The following EIF3L variants were observed in gnomAD, a reference collection of about 807,000 sequenced individuals.
EIF3L encodes the protein eIEF associated protein HSPC021.
EIF3L carries 32 observed loss-of-function variants against 74.6 expected under a neutral mutation model. The observed-to-expected ratio is 0.43, with a 90% confidence interval of 0.32 to 0.58. EIF3L has a LOEUF of 0.58. EIF3L is among the 20% of genes least tolerant of loss of function. The probability of loss-of-function intolerance (pLI) is 0.06; values close to 1 mark genes in which losing one functional copy is unlikely to be tolerated. For missense variants in EIF3L, 474 were observed against 707.8 expected (o/e 0.67, Z 3.75); for synonymous variants, 256 against 254.4 (o/e 1.01, Z -0.06).
At chr22:37,881,550 C>T (rs983805586) in intron 11 of EIF3L, 3 of 152,108 alleles carry the variant, frequency 2.0e-5, no homozygotes, top group Non-Finnish European at 4.4e-5. Flanking sequence ...CTGGGATGTA[C>T]AGGGATGCGC....
chr22:37,885,320 T>C (rs1188668452), intron 11 of EIF3L: 1 of 152,148 alleles, frequency 6.6e-6, no homozygotes, highest in African/African-American at 2.4e-5. Context: ...GCCTAGCTAT[T>C]CTCAACTAAT....
chr22:37,860,941 C>CT (rs1388829934), intron 5 of EIF3L, among the ~76,000 whole-genome samples: 2 of 152,186 alleles, frequency 1.3e-5, no homozygotes, highest in Admixed American at 6.6e-5. Context: ...TTTCCTGAAA[C>CT]TTTCCCCCTC....
At position 37,850,075 on chromosome 22, in the gene EIF3L, G is replaced by A; in HGVS notation, c.82+12G>A. The A allele has an allele frequency of 6.2e-7, 1 of 1,613,328 alleles. No individual in the cohort carries two copies. The highest frequency in any genetic ancestry group is 8.5e-7 in the Non-Finnish European group (1 of 1,179,468). On this transcript the variant is annotated intron_variant, in intron 2 of 12. Coordinates refer to ENST00000652021, the MANE Select transcript of EIF3L (RefSeq NM_016091.4). Reference sequence around the variant, plus strand: ...TGATATGCACACAGGTGAGACCACGGGTTAGGCTGGCTGAGTACTCGTAGG... The same window carrying A: ...TGATATGCACACAGGTGAGACCACGAGTTAGGCTGGCTGAGTACTCGTAGG...
rs780737692 is a variant in EIF3L, at chr22:37,877,891, A to C, written c.1295A>C (p.His432Pro). 1 of 1,613,012 alleles carries C rather than the reference A, an allele frequency of 6.2e-7. No individual in the cohort carries two copies. The highest frequency in any genetic ancestry group is 1.1e-5 in the South Asian group (1 of 91,018). ...GTAGTGCCCAACTATGATAATGTGC[A>C]CCCCAACTACCACAAAGAGCCCTTC... ...SPVVPNYDNV[H>P]PNYHKEPFLQ... is the part of the protein sequence containing the mutation. Residue 432 changes from histidine to proline, a missense_variant, in exon 11 of 13, where the codon CAC (histidine) becomes CCC (proline). Coordinates refer to ENST00000652021, the MANE Select transcript of EIF3L (RefSeq NM_016091.4).
intron 7 of EIF3L, among the ~76,000 whole-genome samples, chr22:37,866,085 C>G (rs1402953848): frequency 6.6e-6 from 1 of 152,168 alleles, no homozygotes; most frequent in Non-Finnish European, 1.5e-5. Context: ...AAGTGCCTGC[C>G]TTGCTTGCTT....
intron 6 of EIF3L, 58 bp from the exon 7 acceptor site, chr22:37,863,214 C>A (rs1019247254): frequency 6.8e-7 from 1 of 1,470,720 alleles, no homozygotes; most frequent in Non-Finnish European, 9.4e-7. Flanking sequence ...ATTCTGCAGC[C>A]TACAGAATGG....
At chr22:37,861,113 A>G (rs918537514) in intron 5 of EIF3L, among the ~76,000 whole-genome samples, 1 of 152,150 alleles carries the variant, frequency 6.6e-6, no homozygotes. Flanking sequence ...TGCCTAGAAT[A>G]ATGTCTGGTC....
intron 5 of EIF3L, among the ~76,000 whole-genome samples, chr22:37,862,142 T>G (rs540826629): frequency 5.9e-5 from 9 of 152,338 alleles, no homozygotes; most frequent in African/African-American, 2.2e-4. Flanking sequence ...AGCTATATAA[T>G]CTTACTTCAT....
rs1206424138 is a variant in EIF3L, at chr22:37,878,282, G to A, written c.1575+111G>A. Reference sequence around the variant, plus strand: ...GAACAAAAAGATTCCTGGCCTTGTGGTGCTGCCACAAGGTGCCAGGTGTGG... The same window carrying A: ...GAACAAAAAGATTCCTGGCCTTGTGATGCTGCCACAAGGTGCCAGGTGTGG... On this transcript the variant is annotated intron_variant, in intron 11 of 12. Transcript: ENST00000652021. The A allele has an allele frequency of 5.0e-6, 7 of 1,395,190 alleles. 1 individual carries two copies. Among genetic ancestry groups the A allele is most frequent in the Non-Finnish European group, 6.7e-6 (7 of 1,048,998 alleles). The allele number at this position is 1,395,190 out of a possible 1,614,324, so 86.4% of individuals were successfully genotyped here.
Position 37,878,310 on chromosome 22 carries a change from G to A in EIF3L, c.1575+139G>A, listed in dbSNP as rs907670575. The A allele has an allele frequency of 6.3e-6, 7 of 1,109,162 alleles. No homozygotes were observed. The South Asian group carries it at 6.6e-5, about 10-fold the overall frequency. 68.7% of individuals were successfully genotyped at this position (1,109,162 alleles called of 1,614,324 possible). A position where few individuals can be genotyped will look rare whatever the true frequency, so the allele number is the denominator to read the frequency against. ...CTGCCACAAGGTGCCAGGTGTGGTG[G>A]CTCATGCCAGTAATACTAGTACTTT... On this transcript the variant is annotated intron_variant, in intron 11 of 12. Transcript: ENST00000652021.
intron 10 of EIF3L, 153 bp from the exon 11 acceptor site, chr22:37,877,521 G>A: frequency 1.1e-6 from 1 of 877,980 alleles, no homozygotes; most frequent in East Asian, 2.5e-5. Context: ...TCTAGAGGGA[G>A]GATTGGAAGA....
intron 11 of EIF3L, chr22:37,880,276 C>G (rs905518914): frequency 9.9e-5 from 15 of 151,800 alleles, no homozygotes; most frequent in African/African-American, 3.4e-4. Context: ...CCACACCTGG[C>G]TAATTTTTTG....
chr22:37,869,509 A>C (rs1601770256), intron 7 of EIF3L, among the ~76,000 whole-genome samples: 2 of 152,134 alleles, frequency 1.3e-5, no homozygotes, highest in Admixed American at 1.3e-4. Context: ...TGCACACCAG[A>C]TTCAACCAGA....
intron 6 of EIF3L, 37 bp from the exon 7 acceptor site, chr22:37,863,235 T>C (rs746880813): frequency 6.4e-7 from 1 of 1,564,902 alleles, no homozygotes. Context: ...GCAGAGTCAT[T>C]GCTTTGAATC....
chr22:37,889,008 T>C lies in EIF3L; in HGVS notation c.*544T>C, dbSNP rs900952639. On this transcript the variant is annotated 3_prime_UTR_variant, in exon 13 of 13. Transcript: ENST00000652021. ...CCTGCCTTGGCCTCCCAAAATGTGC[T>C]AGGATTACAGGCATGAGCCACCACG... 1.3e-5 allele frequency: 2 copies of C among 152,986 alleles called. No individual in the cohort carries two copies. The highest frequency in any genetic ancestry group is 2.9e-5 in the Non-Finnish European group (2 of 68,704). The allele number at this position is 152,986 out of a possible 1,614,324, so 9.5% of individuals were successfully genotyped here.
chr22:37,850,081 G>A lies in EIF3L; in HGVS notation c.82+18G>A, dbSNP rs1453192978. ...GCACACAGGTGAGACCACGGGTTAG[G>A]CTGGCTGAGTACTCGTAGGGATCAG... On this transcript the variant is annotated intron_variant, in intron 2 of 12. Coordinates refer to ENST00000652021, the MANE Select transcript of EIF3L (RefSeq NM_016091.4). 5 of 1,612,906 alleles carry A rather than the reference G, an allele frequency of 3.1e-6. No homozygotes were observed. Among genetic ancestry groups the A allele is most frequent in the African/African-American group, 1.3e-5 (1 of 74,868 alleles).
Position 37,876,083 on chromosome 22 carries a change from C to T in EIF3L, c.1077+72C>T, listed in dbSNP as rs556577123. The T allele has an allele frequency of 2.1e-5, 31 of 1,507,108 alleles. No individual in the cohort carries two copies. The South Asian group carries it at 2.3e-4, about 11-fold the overall frequency. 93.4% of individuals were successfully genotyped at this position (1,507,108 alleles called of 1,614,324 possible). On this transcript the variant is annotated intron_variant, in intron 10 of 12. Coordinates refer to ENST00000652021, the MANE Select transcript of EIF3L (RefSeq NM_016091.4). ...ATCCTTGGCACCTATGCCAACCATT[C>T]TTGGTAAACACCATCCAAAATATTG...
At chr22:37,871,099 G>A (rs1926445841) in intron 8 of EIF3L, 1 of 151,806 alleles carries the variant, frequency 6.6e-6, no homozygotes, top group Non-Finnish European at 1.5e-5. Flanking sequence ...CTGTACTCTA[G>A]CCTGGGCCAC....
In EIF3L at chr22:37,878,007, C is replaced by G. The variant is rs1926845081; in HGVS notation, c.1411C>G (p.Pro471Ala). Residue 471 changes from proline to alanine, a missense_variant, in exon 11 of 13, where the codon CCT (proline) becomes GCT (alanine). By Grantham distance (27) the Pro-to-Ala change is conservative (BLOSUM62 -1). This residue lies in a region of EIF3L where 293 missense variants were observed against 469.1 expected (regional missense o/e 0.62). Transcript: ENST00000652021. ...CTTCCTGAAGCTCTACACCACCATG[C>G]CTGTGGCCAAGCTGGCTGGCTTCCT... ...RSFLKLYTTM[P>A]VAKLAGFLDL... 6.2e-7 allele frequency: 1 copy of G among 1,613,708 alleles called. No individual in the cohort carries two copies. Among genetic ancestry groups the G allele is most frequent in the Non-Finnish European group, 8.5e-7 (1 of 1,179,994 alleles).
Sources: allele counts gnomAD v4.1 joint callset (sites outside exome capture counted in the v4.1 genomes callset), GRCh38; gene constraint gnomAD v4.1.1; regional missense constraint gnomAD v4.1.1; transcripts MANE v1.5; gene names NCBI Gene and HGNC (gene_info 2026-07-23, HGNC 2026-07-21).